Variants in STX18 observed in about 807,000 individuals in gnomAD.
STX18 encodes syntaxin-18.
In STX18, 40 loss-of-function variants were observed where a neutral mutation model predicts 50.1. The observed-to-expected ratio is 0.80, with a 90% CI of 0.62 to 1.04. The LOEUF (loss-of-function observed/expected upper bound fraction) is 1.04, where lower values mean the gene tolerates loss of function less well. Among genes scored for constraint, STX18 ranks in the 50% least tolerant of loss-of-function variants. The pLI is 0.00. For synonymous variants in STX18, 158 were observed against 151.8 expected, an observed-to-expected ratio of 1.04 and a Z score of -0.30; for missense variants, 410 against 415.8, an observed-to-expected ratio of 0.99 and a Z score of 0.12.
At position 4,507,500 on chromosome 4, in the gene STX18, T is replaced by C. The variant is rs566126956; in HGVS notation, c.168+34297A>G. On this transcript the variant is annotated intron_variant, in intron 1 of 10. Transcript: ENST00000306200. ...ATTATCTTTATCGCTCAGAGGAGAA[T>C]TCTGCCTAAGCCAATTCGAAAAAGC... 2.8e-4 allele frequency: 215 copies of C among 768,158 alleles called. 3 individuals are homozygous for C. Among genetic ancestry groups the C allele is most frequent in the South Asian group, 2.8e-3 (207 of 74,458 alleles). The allele number at this position is 768,158 out of a possible 1,614,324, so 47.6% of individuals were successfully genotyped here. A position where few individuals can be genotyped will look rare whatever the true frequency, so the allele number is the denominator to read the frequency against.
chr4:4,540,912 T>A (rs1165039099), intron 1 of STX18, among the ~76,000 whole-genome samples: 1 of 152,198 alleles, frequency 6.6e-6, no homozygotes, highest in East Asian at 1.9e-4. Context: ...GTCCCTCTCT[T>A]CAATCTTCCA....
At chr4:4,472,089 T>C (rs1422269279) in intron 1 of STX18, among the ~76,000 whole-genome samples, 2 of 152,238 alleles carry the variant, frequency 1.3e-5, no homozygotes, top group Non-Finnish European at 2.9e-5. Context: ...AAGGGACAGT[T>C]CTAAAGCTGA....
At chr4:4,462,157 A>G (rs1214125714) in intron 2 of STX18, among the ~76,000 whole-genome samples, 1 of 152,058 alleles carries the variant, frequency 6.6e-6, no homozygotes, top group African/African-American at 2.4e-5. Context: ...TCCTGCCTCC[A>G]TTTCTTTCTT....
At chr4:4,483,861 AT>A (rs149430155) in intron 1 of STX18, among the ~76,000 whole-genome samples, 5,502 of 150,738 alleles carry the variant, frequency 0.037, 266 homozygotes, top group African/African-American at 0.11. Flanking sequence ...CCTCTCAGGA[AT>A]TTTTTTTTTC....
intron 1 of STX18, among the ~76,000 whole-genome samples, chr4:4,483,688 C>T (rs1333719210): frequency 1.3e-5 from 2 of 152,204 alleles, no homozygotes; most frequent in East Asian, 3.8e-4. Flanking sequence ...TAGAAGACAC[C>T]TGCTTTGCCA....
chr4:4,487,878 A>G (rs1728766989), intron 1 of STX18, among the ~76,000 whole-genome samples: 1 of 152,214 alleles, frequency 6.6e-6, no homozygotes. Flanking sequence ...TTGGATTCCC[A>G]AAGCCTGGCA....
chr4:4,438,370 T>G, intron 6 of STX18, 24 bp downstream of exon 6: 115 of 1,547,152 alleles, frequency 7.4e-5, no homozygotes, highest in Non-Finnish European at 9.1e-5. Flanking sequence ...AAATGCAAGG[T>G]GAGATTTTCA....
rs1037581783 is a variant in STX18, at chr4:4,421,148, C to G, written c.832-204G>C. ...CTCCTCCCTGAAGCGTATATCATGA[C>G]AAGAACAGTAGCCGTCACCAAGGGC... On this transcript the variant is annotated intron_variant, in intron 9 of 10. Coordinates refer to ENST00000306200, the MANE Select transcript of STX18 (RefSeq NM_016930.4). 1.3e-5 allele frequency among the ~76,000 whole-genome samples: 2 copies of G among 152,264 alleles called. 1 individual carries two copies. Among genetic ancestry groups the G allele is most frequent in the South Asian group, 4.1e-4 (2 of 4,820 alleles).
At chr4:4,470,380 T>C (rs779485364) in intron 2 of STX18, among the ~76,000 whole-genome samples, 1 of 152,004 alleles carries the variant, frequency 6.6e-6, no homozygotes, top group Non-Finnish European at 1.5e-5. Context: ...ATCACCACAG[T>C]TGAGTGCTGC....
intron 5 of STX18, among the ~76,000 whole-genome samples, chr4:4,442,067 T>C (rs886878660): frequency 1.3e-5 from 2 of 152,096 alleles, no homozygotes; most frequent in African/African-American, 4.8e-5. Flanking sequence ...GAGGCAATAA[T>C]AGCCAAGATA....
At chr4:4,513,205 G>C (rs1730085584) in intron 1 of STX18, among the ~76,000 whole-genome samples, 1 of 152,170 alleles carries the variant, frequency 6.6e-6, no homozygotes, top group Non-Finnish European at 1.5e-5. Context: ...AAGTAAAGAA[G>C]TACCTGTACT....
intron 6 of STX18, among the ~76,000 whole-genome samples, chr4:4,438,135 G>A (rs1338600120): frequency 6.6e-6 from 1 of 152,174 alleles, no homozygotes; most frequent in East Asian, 1.9e-4. Flanking sequence ...ACAGCTCCCG[G>A]CCTCACCCCT....
At chr4:4,465,527 T>C (rs958713450) in intron 2 of STX18, among the ~76,000 whole-genome samples, 3 of 152,202 alleles carry the variant, frequency 2.0e-5, no homozygotes, top group African/African-American at 7.2e-5. Context: ...ATACCACATG[T>C]TCTCACTTAT....
At chr4:4,464,700 GA>G (rs1727534637) in intron 2 of STX18, among the ~76,000 whole-genome samples, 1 of 152,162 alleles carries the variant, frequency 6.6e-6, no homozygotes, top group Non-Finnish European at 1.5e-5. Flanking sequence ...AGTCATTCAG[GA>G]ACAGGTTGTT....
intron 1 of STX18, among the ~76,000 whole-genome samples, chr4:4,527,913 G>A (rs1395182743): frequency 6.7e-6 from 1 of 148,314 alleles, no homozygotes; most frequent in Non-Finnish European, 1.5e-5. Context: ...AGGCAGTGAT[G>A]ATTTGGCCCA....
intron 6 of STX18, among the ~76,000 whole-genome samples, chr4:4,438,142 C>T (rs953476189): frequency 1.3e-5 from 2 of 152,212 alleles, no homozygotes; most frequent in African/African-American, 4.8e-5. Flanking sequence ...CCGGCCTCAC[C>T]CCTCCAGCAG....
chr4:4,423,879 G>A (rs892257574), intron 8 of STX18: 7 of 431,946 alleles, frequency 1.6e-5, no homozygotes, highest in African/African-American at 1.4e-4. Context: ...TTTGCATTCT[G>A]TGTCACTGCT....
At chr4:4,537,673 C>T (rs552345442) in intron 1 of STX18, among the ~76,000 whole-genome samples, 11 of 152,264 alleles carry the variant, frequency 7.2e-5, no homozygotes, top group East Asian at 1.9e-4. Context: ...CAAAAGAACT[C>T]GGACTCATGT....
At chr4:4,455,045 C>T (rs527969171) in intron 5 of STX18, among the ~76,000 whole-genome samples, 1 of 152,212 alleles carries the variant, frequency 6.6e-6, no homozygotes, top group Non-Finnish European at 1.5e-5. Flanking sequence ...AACAAAAGCC[C>T]AGAAAAGTTA....
Sources: gnomAD v4.1 joint callset for allele counts (sites outside exome capture counted in the v4.1 genomes callset) on GRCh38, gnomAD v4.1.1 for gene constraint, MANE v1.5 for transcripts, NCBI Gene and HGNC (gene_info 2026-07-23, HGNC 2026-07-21) for gene names.